The following TRERF1 variants were observed in gnomAD, a reference collection of about 807,000 sequenced individuals.
TRERF1 encodes the protein transcriptional-regulating factor 1.
TRERF1 carries 27 observed loss-of-function variants against 122.9 expected under a neutral mutation model. The observed-to-expected ratio is 0.22, with a 90% CI of 0.16 to 0.30. The LOEUF (loss-of-function observed/expected upper bound fraction) is 0.30, where lower values mean the gene tolerates loss of function less well. Ranked by LOEUF, TRERF1 falls within the 10% of genes least tolerant of loss-of-function variation. The pLI, the probability that TRERF1 is intolerant of heterozygous loss-of-function variation, is 1.00. For synonymous variants in TRERF1, 636 were observed against 641.7 expected (o/e 0.99, Z 0.13); for missense variants, 1,248 against 1,560.3 (o/e 0.80, Z 3.37).
At chr6:42,284,381 T>C (rs1782832333) in intron 4 of TRERF1, among the ~76,000 whole-genome samples, 1 of 152,190 alleles carries the variant, frequency 6.6e-6, no homozygotes, top group South Asian at 2.1e-4. Context: ...TCTTTAATAG[T>C]TGTCTTGCTC....
intron 2 of TRERF1, among the ~76,000 whole-genome samples, chr6:42,431,289 T>C (rs1170008598): frequency 6.6e-6 from 1 of 151,002 alleles, no homozygotes. Context: ...AAGCGAGAGA[T>C]GGAGAAAAAA....
chr6:42,268,852 C>T lies in TRERF1; in HGVS notation c.739G>A (p.Gly247Arg). 1 of 1,614,126 alleles carries T rather than the reference C, an allele frequency of 6.2e-7. No individual in the cohort carries two copies. The highest frequency in any genetic ancestry group is 1.3e-5 in the African/African-American group (1 of 75,040). Residue 247 changes from glycine to arginine, a missense_variant, in exon 5 of 18, where the codon GGA becomes AGA. This residue lies in a region of TRERF1 where 946 missense variants were observed against 1,073.0 expected (regional missense o/e 0.88). Transcript: ENST00000372922. This position sits in a 1 kb window ranked among gnomAD's most constrained non-coding sequence, Gnocchi z 4.4. The stretch of plus-strand genomic sequence containing the variant: ...TGTGGGGCCTGCAGTGGCTGTCCTC[C>T]CTGCACTGGCACCTGAGCCAGAGGC...
At position 42,263,442 on chromosome 6, in the gene TRERF1, C is replaced by G; in HGVS notation, c.1762G>C (p.Val588Leu). 2.5e-6 allele frequency: 4 copies of G among 1,610,018 alleles called. No individual in the cohort carries two copies. Among genetic ancestry groups the G allele is most frequent in the Non-Finnish European group, 3.4e-6 (4 of 1,178,058 alleles). The change falls in exon 8 of 18, where the codon GTC becomes CTC. Residue 588 changes from valine (V) to leucine (L), a missense_variant. Val to Leu is a conservative substitution (Grantham distance 32). Around this residue, in one of 5 missense-constraint regions of TRERF1, gnomAD observed 946 missense variants for 1,073.0 expected, o/e 0.88. Transcript: ENST00000372922. This position sits in a 1 kb window ranked among gnomAD's most constrained non-coding sequence, Gnocchi z 5.6. ...TTGGGCGGGAGAAGCTTGACAGGGA[C>G]AGACACGGGCATGACCATAGGCGTG... is the stretch of plus-strand genomic sequence containing the variant.
chr6:42,259,533 A>G lies in TRERF1; in HGVS notation c.2075T>C (p.Val692Ala). Residue 692 changes from valine (V) to alanine (A), a missense_variant, in exon 9 of 18, where the codon GTC becomes GCC. By Grantham distance (64) the Val-to-Ala change is moderately conservative (BLOSUM62 0). This residue lies in a region of TRERF1 where 946 missense variants were observed against 1,073.0 expected (regional missense o/e 0.88). Transcript: ENST00000372922. This position sits in a 1 kb window ranked among gnomAD's most constrained non-coding sequence, Gnocchi z 4.9. ...GTCCAGGAGCAGGTGGTCCCCGAGG[A>G]CGCGCGGGGAGCGCAGCTGGCTCTG... 1 of 1,613,296 alleles carries G rather than the reference A, an allele frequency of 6.2e-7. No homozygotes were observed. The highest frequency in any genetic ancestry group is 8.5e-7 in the Non-Finnish European group (1 of 1,179,728).
intron 3 of TRERF1, among the ~76,000 whole-genome samples, chr6:42,312,357 GA>G (rs1409985224): frequency 6.6e-6 from 1 of 152,194 alleles, no homozygotes; most frequent in Non-Finnish European, 1.5e-5. Flanking sequence ...GTCCAAAAGA[GA>G]GCTACGGAGT....
intron 15 of TRERF1, among the ~76,000 whole-genome samples, 197 bp from the exon 16 acceptor site, chr6:42,236,608 G>A (rs568371466): frequency 2.0e-5 from 3 of 152,264 alleles, no homozygotes; most frequent in South Asian, 2.1e-4. Context: ...TTAGGACTTC[G>A]AGGTCAAGGA....
At chr6:42,402,302 G>A (rs932277152) in intron 2 of TRERF1, among the ~76,000 whole-genome samples, 3 of 152,172 alleles carry the variant, frequency 2.0e-5, no homozygotes, top group Admixed American at 1.3e-4. Context: ...TGCATCTGCC[G>A]GGCATCTGAA....
At chr6:42,359,518 G>A (rs1273151986) in intron 3 of TRERF1, among the ~76,000 whole-genome samples, 1 of 152,202 alleles carries the variant, frequency 6.6e-6, no homozygotes, top group Non-Finnish European at 1.5e-5. Flanking sequence ...GAGGTCAGGA[G>A]ATTGAGACCA....
At chr6:42,359,871 T>A (rs1195657861) in intron 3 of TRERF1, among the ~76,000 whole-genome samples, 2 of 152,198 alleles carry the variant, frequency 1.3e-5, no homozygotes, top group Non-Finnish European at 2.9e-5. Context: ...CCCTATATTC[T>A]AGAGGTTCTA....
intron 4 of TRERF1, among the ~76,000 whole-genome samples, chr6:42,296,206 T>A (rs560258087): frequency 9.7e-4 from 148 of 152,320 alleles, no homozygotes; most frequent in Non-Finnish European, 1.7e-3. Context: ...CTGGTTTACA[T>A]CTTCCACAAA....
chr6:42,334,366 T>C (rs903904768), intron 3 of TRERF1, among the ~76,000 whole-genome samples: 7 of 152,160 alleles, frequency 4.6e-5, no homozygotes, highest in African/African-American at 1.7e-4. Flanking sequence ...GTTCCAAAGT[T>C]GTAAAGCAAC....
chr6:42,424,130 G>T (rs1310248060), intron 2 of TRERF1, among the ~76,000 whole-genome samples: 1 of 152,196 alleles, frequency 6.6e-6, no homozygotes, highest in Non-Finnish European at 1.5e-5. Context: ...TTCTCCAGCT[G>T]ATGGGCATTT....
chr6:42,248,520 T>G (rs1332817310), intron 13 of TRERF1, among the ~76,000 whole-genome samples: 2 of 152,086 alleles, frequency 1.3e-5, no homozygotes, highest in Non-Finnish European at 2.9e-5. Flanking sequence ...ACCTGGCTAA[T>G]TTTTGTATTT....
At chr6:42,342,946 C>T (rs1767571332) in intron 3 of TRERF1, among the ~76,000 whole-genome samples, 1 of 152,180 alleles carries the variant, frequency 6.6e-6, no homozygotes, top group Non-Finnish European at 1.5e-5. Context: ...AATCTAATGA[C>T]CCATCCAAGG....
At position 42,392,784 on chromosome 6, in the gene TRERF1, G is replaced by A. The variant is rs372597345; in HGVS notation, c.-453-29705C>T. Among the ~76,000 whole-genome samples, 50 of 152,248 alleles carry A rather than the reference G, an allele frequency of 3.3e-4. 1 individual carries two copies. The highest frequency in any genetic ancestry group is 3.1e-3 in the East Asian group (16 of 5,184). ...AGCTTACAGTCCAGCTGGGGGAAATGAGACATTAACATATGAAAGGTGACC... is the reference window on the plus strand; with the variant it reads ...AGCTTACAGTCCAGCTGGGGGAAATAAGACATTAACATATGAAAGGTGACC... On this transcript the variant is annotated intron_variant, in intron 2 of 17. Transcript: ENST00000372922.
In TRERF1 at chr6:42,262,260, T is replaced by C. The variant is rs73733132; in HGVS notation, c.1884+1060A>G. Among the ~76,000 whole-genome samples, 78 of 152,148 alleles carry C rather than the reference T, an allele frequency of 5.1e-4. 1 individual carries two copies. The highest frequency in any genetic ancestry group is 1.2e-3 in the South Asian group (6 of 4,826). ...ACCATAAAGGTTTTTTTCTGTACTT[T>C]TCTAGTTGTATTCATTATCTTCTCT... On this transcript the variant is annotated intron_variant, in intron 8 of 17. Coordinates refer to ENST00000372922, the Ensembl canonical transcript of TRERF1.
chr6:42,251,547 A>G (rs1460113769), intron 13 of TRERF1, among the ~76,000 whole-genome samples: 1 of 151,906 alleles, frequency 6.6e-6, no homozygotes, highest in Non-Finnish European at 1.5e-5. Flanking sequence ...TTTAATTTAA[A>G]CCAGTGCCAT....
intron 17 of TRERF1, among the ~76,000 whole-genome samples, chr6:42,231,743 T>A (rs979342175): frequency 6.6e-6 from 1 of 152,160 alleles, no homozygotes; most frequent in Non-Finnish European, 1.5e-5. Context: ...CATCTTACCA[T>A]CAATGGCATT....
chr6:42,293,062 C>T (rs921086782), intron 4 of TRERF1, among the ~76,000 whole-genome samples: 3 of 152,172 alleles, frequency 2.0e-5, no homozygotes, highest in Admixed American at 6.5e-5. Context: ...CCCAGGAAAT[C>T]GGGTCTGGAG....
Sources: allele counts gnomAD v4.1 joint callset (sites outside exome capture counted in the v4.1 genomes callset), GRCh38; gene constraint gnomAD v4.1.1; regional missense constraint gnomAD v4.1.1; non-coding constraint Gnocchi (gnomAD v3.1); transcripts MANE v1.5; gene names NCBI Gene and HGNC (gene_info 2026-07-23, HGNC 2026-07-21).